The following ATG14 variants were observed in gnomAD, a reference collection of about 807,000 sequenced individuals.
The protein encoded by ATG14 is beclin 1-associated autophagy-related key regulator.
In ATG14, 35 loss-of-function variants were observed where a neutral mutation model predicts 60.4. That is an observed-to-expected ratio of 0.58 (90% CI 0.44 to 0.77). ATG14 has a LOEUF of 0.77. Ranked by LOEUF, ATG14 falls within the 30% of genes least tolerant of loss-of-function variation. The pLI is 0.00. For missense variants in ATG14, 647 were observed against 626.3 expected, an observed-to-expected ratio of 1.03 and a Z score of -0.35; for synonymous variants, 234 against 228.8, an observed-to-expected ratio of 1.02 and a Z score of -0.21.
chr14:55,392,288 G>A (rs1172629304), intron 3 of ATG14, among the ~76,000 whole-genome samples: 2 of 152,154 alleles, frequency 1.3e-5, no homozygotes, highest in East Asian at 1.9e-4. Context: ...ACAGGCCACA[G>A]CCCAGTAGGT....
At position 55,378,029 on chromosome 14, in the gene ATG14, T is replaced by C; in HGVS notation, c.1041A>G (p.Ala347=). The C allele has an allele frequency of 6.2e-7, 1 of 1,613,256 alleles. No homozygotes were observed. Among genetic ancestry groups the C allele is most frequent in the Non-Finnish European group, 8.5e-7 (1 of 1,179,340 alleles). ...ENLSKQKFTR[A]VKKLNANILY... is the part of the protein sequence containing the mutation. ...GAATATTTGCATTCAGTTTCTTCAC[T>C]GCTCGAGTAAATTTCTGCTTGCTTA... The change falls in exon 8 of 10, where the codon GCA becomes GCG. Residue 347 remains alanine (A), a synonymous_variant. Coordinates refer to ENST00000247178, the MANE Select transcript of ATG14 (RefSeq NM_014924.5).
chr14:55,385,820 T>G, intron 5 of ATG14, 39 bp downstream of exon 5: 2 of 1,500,754 alleles, frequency 1.3e-6, no homozygotes, highest in South Asian at 1.2e-5. Flanking sequence ...TATTTGGAAC[T>G]TGATCTATTC....
intron 1 of ATG14, among the ~76,000 whole-genome samples, chr14:55,401,879 T>A (rs963690869): frequency 6.6e-6 from 1 of 152,164 alleles, no homozygotes; most frequent in Non-Finnish European, 1.5e-5. Flanking sequence ...AGGAAGGGTA[T>A]GGAGGCAGAG....
intron 9 of ATG14, among the ~76,000 whole-genome samples, chr14:55,370,537 A>G (rs117636590): frequency 0.017 from 2,645 of 152,192 alleles, 21 homozygotes; most frequent in Middle Eastern, 0.055. Flanking sequence ...GGTCCCTAAT[A>G]ACACCCTCAC....
intron 3 of ATG14, among the ~76,000 whole-genome samples, chr14:55,391,471 T>TAAAAAAAA (rs746307684): frequency 0.046 from 3,480 of 75,256 alleles, 71 homozygotes; most frequent in Non-Finnish European, 0.078. Flanking sequence ...TGAGACTCCA[T>TAAAAAAAA]AAAAAAAAAA....
rs186540485 is a variant in ATG14 at position 55,397,045 on chromosome 14, A to G, written c.284+327T>C. On this transcript the variant is annotated intron_variant, in intron 2 of 9. Transcript: ENST00000247178. Reference sequence around the variant, plus strand: ...AGAAGAATGGTAAATGGAAGCAGTAATGTCCTATGGGAGCCACCAGCACTA... The same window carrying G: ...AGAAGAATGGTAAATGGAAGCAGTAGTGTCCTATGGGAGCCACCAGCACTA... Among the ~76,000 whole-genome samples the G allele has an allele frequency of 9.2e-5, 14 of 152,338 alleles. No homozygotes were observed. In the East Asian group the frequency reaches 2.7e-3, roughly 29 times the overall value.
rs575224574 is a variant in ATG14, at chr14:55,404,286, A to G, written c.222-6852T>C. ...GTTCAATTTTACTAAAAAGACACTC[A>G]CTGAAATCTCACAATGACACCTTAA... On this transcript the variant is annotated intron_variant, in intron 1 of 9. Coordinates refer to ENST00000247178, the MANE Select transcript of ATG14 (RefSeq NM_014924.5). 4.6e-5 allele frequency among the ~76,000 whole-genome samples: 7 copies of G among 152,312 alleles called. No homozygotes were observed. In the South Asian group the frequency reaches 1.4e-3, roughly 32 times the overall value.
chr14:55,411,807 C>T lies in ATG14; in HGVS notation c.16G>A (p.Gly6Arg), dbSNP rs568315477. MASPS[G>R]KGARALEAPG... ...GCCTCCAGCGCCCGGGCTCCCTTCC[C>T]ACTGGGAGACGCCATGATGGCCTGA... The change falls in exon 1 of 10, where the codon GGG becomes AGG. Residue 6 changes from glycine (G) to arginine (R), a missense_variant. Transcript: ENST00000247178. 8.1e-5 allele frequency: 130 copies of T among 1,595,728 alleles called. No homozygotes were observed. The Admixed American group carries it at 2.1e-3, about 26-fold the overall frequency.
At position 55,380,685 on chromosome 14, in the gene ATG14, C is replaced by G; in HGVS notation, c.883G>C (p.Glu295Gln). The change falls in exon 7 of 10, where the codon GAG (glutamate) becomes CAG (glutamine). Residue 295 changes from glutamate to glutamine, a missense_variant. Glu to Gln is a conservative substitution (Grantham distance 29). Transcript: ENST00000247178. ...ATGGTGTAGGCAGGGTTACTCTGCTCCATGTCTGCAGTAAGAAAACAACCA... is the reference window on the plus strand; with the variant it reads ...ATGGTGTAGGCAGGGTTACTCTGCTGCATGTCTGCAGTAAGAAAACAACCA... ...EKKTTQGPDM[E>Q]QSNPAYTISA... The G allele has an allele frequency of 1.9e-6, 3 of 1,595,166 alleles. No individual in the cohort carries two copies. Among genetic ancestry groups the G allele is most frequent in the Non-Finnish European group, 2.6e-6 (3 of 1,171,156 alleles).
Position 55,369,625 on chromosome 14 carries a change from GT to G in ATG14, c.1472del (p.His491ProfsTer31). ...ATGTTTTGGTCCATGCTCGTTAACGGTGTCCAGTGTAAGCTTTAAACCAGGA... is the reference window on the plus strand; with the variant it reads ...ATGTTTTGGTCCATGCTCGTTAACGGGTCCAGTGTAAGCTTTAAACCAGGA... ...VTSWFKAYTGHR is the reference protein window; with the variant it reads ...VTSWFKAYTGXR On this transcript the variant is annotated frameshift_variant, in exon 10 of 10. Transcript: ENST00000247178. LOFTEE classifies it high-confidence loss of function. The G allele has an allele frequency of 6.6e-7, 1 of 1,515,744 alleles. No individual in the cohort carries two copies. Among genetic ancestry groups the G allele is most frequent in the Non-Finnish European group, 8.8e-7 (1 of 1,130,318 alleles). 93.9% of individuals were successfully genotyped at this position (1,515,744 alleles called of 1,614,324 possible). A position where few individuals can be genotyped will look rare whatever the true frequency, so the allele number is the denominator to read the frequency against.
rs1884757069 is a variant in ATG14 at position 55,369,306 on chromosome 14, C to T, written c.*313G>A. Reference sequence around the variant, plus strand: ...ATATCTGTGGGCCCGGTGGCCCGGGCCCAGAGGGAACCCAAATCAACTGCT... The same window carrying T: ...ATATCTGTGGGCCCGGTGGCCCGGGTCCAGAGGGAACCCAAATCAACTGCT... On this transcript the variant is annotated 3_prime_UTR_variant, in exon 10 of 10. Coordinates refer to ENST00000247178, the MANE Select transcript of ATG14 (RefSeq NM_014924.5). 1 of 212,170 alleles carries T rather than the reference C, an allele frequency of 4.7e-6. No homozygotes were observed. The allele number at this position is 212,170 out of a possible 1,614,324, so 13.1% of individuals were successfully genotyped here. A position where few individuals can be genotyped will look rare whatever the true frequency, so the allele number is the denominator to read the frequency against.
At chr14:55,377,791 T>A in intron 9 of ATG14, 28 bp downstream of exon 9, 1 of 1,501,560 alleles carries the variant, frequency 6.7e-7, no homozygotes, top group East Asian at 2.3e-5. Flanking sequence ...CAAAAACACT[T>A]AGAGAAAAGC....
intron 1 of ATG14, among the ~76,000 whole-genome samples, chr14:55,401,469 T>A (rs1294677603): frequency 1.3e-5 from 2 of 152,202 alleles, no homozygotes; most frequent in Non-Finnish European, 2.9e-5. Flanking sequence ...AGTGAACCTG[T>A]TCCATGCCTG....
chr14:55,409,818 G>C (rs1021085821), intron 1 of ATG14, among the ~76,000 whole-genome samples: 1 of 152,198 alleles, frequency 6.6e-6, no homozygotes, highest in African/African-American at 2.4e-5. Flanking sequence ...TGGAAGATTT[G>C]AACAGAAATG....
chr14:55,381,093 T>A (rs1885026436), intron 6 of ATG14, among the ~76,000 whole-genome samples: 1 of 151,872 alleles, frequency 6.6e-6, no homozygotes, highest in Admixed American at 6.6e-5. Flanking sequence ...CCCAGGATGC[T>A]CCCCTAGTTC....
Position 55,366,872 on chromosome 14 carries a change from A to C in ATG14, c.*2747T>G, listed in dbSNP as rs989501920. On this transcript the variant is annotated 3_prime_UTR_variant, in exon 10 of 10. Transcript: ENST00000247178. ...AAAGATTTTAATGAGCAGCAAAAAG[A>C]GTAGAAAAAACAGTGGTTGAAATGT... 1 of 152,642 alleles carries C rather than the reference A, an allele frequency of 6.6e-6. No homozygotes were observed. The highest frequency in any genetic ancestry group is 1.5e-5 in the Non-Finnish European group (1 of 68,042). 9.5% of individuals were successfully genotyped at this position (152,642 alleles called of 1,614,324 possible).
chr14:55,380,407 GA>G (rs553218196), intron 7 of ATG14, among the ~76,000 whole-genome samples, 165 bp downstream of exon 7: 42 of 152,228 alleles, frequency 2.8e-4, no homozygotes, highest in Admixed American at 7.2e-4. Context: ...ATAATGAAAC[GA>G]ATCTGCACAT....
Position 55,382,671 on chromosome 14 carries a change from C to T in ATG14, c.648-480G>A, listed in dbSNP as rs139466304. 4.3e-4 allele frequency among the ~76,000 whole-genome samples: 66 copies of T among 152,222 alleles called. No homozygotes were observed. In the East Asian group the frequency reaches 0.012, roughly 27 times the overall value. On this transcript the variant is annotated intron_variant, in intron 5 of 9. Coordinates refer to ENST00000247178, the MANE Select transcript of ATG14 (RefSeq NM_014924.5). ...TGGCCAGGAATTTAACTGAAATATACGTAGATAAGAGCTTGCTATCAGAGA... is the reference window on the plus strand; with the variant it reads ...TGGCCAGGAATTTAACTGAAATATATGTAGATAAGAGCTTGCTATCAGAGA...
At chr14:55,382,261 G>A in intron 5 of ATG14, 70 bp from the exon 6 acceptor site, 3 of 1,382,776 alleles carry the variant, frequency 2.2e-6, no homozygotes, top group Non-Finnish European at 3.1e-6. Context: ...ATAACTGCAA[G>A]ACATGCTAGA....
Sources: gnomAD v4.1 joint callset for allele counts (sites outside exome capture counted in the v4.1 genomes callset) on GRCh38, gnomAD v4.1.1 for gene constraint, MANE v1.5 for transcripts, NCBI Gene and HGNC (gene_info 2026-07-23, HGNC 2026-07-21) for gene names.